STT3B: variants seen among roughly 807,000 people sequenced by gnomAD.
STT3B encodes the protein STT3 oligosaccharyltransferase complex catalytic subunit B, also known as dolichyl-diphosphooligosaccharide--protein glycosyltransferase subunit STT3B.
In STT3B, 29 loss-of-function variants were observed where a neutral mutation model predicts 96.8. The observed-to-expected ratio is 0.30, with a 90% CI of 0.22 to 0.41. The LOEUF is 0.41. STT3B is among the 10% of genes least tolerant of loss of function. The pLI, the probability that STT3B is intolerant of heterozygous loss-of-function variation, is 1.00. For missense variants in STT3B, 640 were observed against 1,022.3 expected (o/e 0.63, Z 5.10); for synonymous variants, 367 against 360.0 (o/e 1.02, Z -0.22).
chr3:31,617,120 A>C (rs369832273), intron 7 of STT3B, 45 bp downstream of exon 7: 11 of 1,374,548 alleles, frequency 8.0e-6, no homozygotes, highest in Admixed American at 5.0e-5. Flanking sequence ...CTATACAAAC[A>C]ATATAAGAAA....
At chr3:31,578,121 T>C (rs1698299902) in intron 2 of STT3B, among the ~76,000 whole-genome samples, 1 of 152,176 alleles carries the variant, frequency 6.6e-6, no homozygotes, top group Admixed American at 6.6e-5. Context: ...CATATTCTCC[T>C]TTAGGACTTT....
chr3:31,635,801 G>GT (rs1450744899), intron 15 of STT3B, among the ~76,000 whole-genome samples, 183 bp from the exon 16 acceptor site: 1 of 152,136 alleles, frequency 6.6e-6, no homozygotes, highest in Non-Finnish European at 1.5e-5. Context: ...ATGTGTTAGT[G>GT]TACTCAGGTA....
chr3:31,621,805 TATG>T (rs1559390092), intron 9 of STT3B, among the ~76,000 whole-genome samples: 2 of 152,236 alleles, frequency 1.3e-5, no homozygotes, highest in African/African-American at 2.4e-5. Context: ...ATGGGTTTTT[TATG>T]ATGTTATTGA....
intron 1 of STT3B, among the ~76,000 whole-genome samples, chr3:31,540,255 T>A (rs527521923): frequency 2.0e-5 from 3 of 152,276 alleles, no homozygotes; most frequent in East Asian, 3.9e-4. Flanking sequence ...TTTAAAAAAA[T>A]TGTGTGTACT....
In STT3B at chr3:31,569,032, C is replaced by T. The variant is rs192933480; in HGVS notation, c.315-7364C>T. Among the ~76,000 whole-genome samples, 5 of 152,134 alleles carry T rather than the reference C, an allele frequency of 3.3e-5. No homozygotes were observed. In the East Asian group the frequency reaches 5.8e-4, roughly 18 times the overall value. ...TCTTTCTTTTTGTTTCTTTTAAAGA[C>T]GGGATCTTGCTCTGTAACCCAGGCT... On this transcript the variant is annotated intron_variant, in intron 1 of 15. Transcript: ENST00000295770.
intron 7 of STT3B, 111 bp downstream of exon 7, chr3:31,617,186 CTT>C (rs5847707): frequency 3.9e-3 from 1,912 of 492,546 alleles, no homozygotes; most frequent in East Asian, 0.027. Context: ...TGATTTTTTT[CTT>C]TTTTTTTTTT....
At chr3:31,621,275 A>G (rs1689209473) in intron 9 of STT3B, among the ~76,000 whole-genome samples, 2 of 152,230 alleles carry the variant, frequency 1.3e-5, no homozygotes, top group East Asian at 3.8e-4. Flanking sequence ...AGAAGTCTAA[A>G]TAGTGGTTAC....
chr3:31,620,817 G>C (rs532163040), intron 9 of STT3B, among the ~76,000 whole-genome samples: 3 of 152,284 alleles, frequency 2.0e-5, no homozygotes, highest in East Asian at 3.9e-4. Context: ...ACAATTATAG[G>C]ATCTGGACCA....
chr3:31,626,573 A>G (rs1206392977), intron 13 of STT3B, among the ~76,000 whole-genome samples: 1 of 152,212 alleles, frequency 6.6e-6, no homozygotes, highest in Admixed American at 6.5e-5. Context: ...GATTAAGGGA[A>G]AGGGTCTTAA....
chr3:31,613,641 T>A (rs1286583102), intron 5 of STT3B, among the ~76,000 whole-genome samples: 1 of 141,176 alleles, frequency 7.1e-6, no homozygotes, highest in African/African-American at 2.6e-5. Flanking sequence ...GTTTTTAATT[T>A]TCTTTATACT....
intron 15 of STT3B, 62 bp downstream of exon 15, chr3:31,633,209 A>G: frequency 1.4e-6 from 2 of 1,410,862 alleles, no homozygotes; most frequent in Non-Finnish European, 1.9e-6. Flanking sequence ...ATGAAAAAGA[A>G]TTTCTGGAAA....
chr3:31,533,332 T>A lies in STT3B; in HGVS notation c.314+20T>A. ...CCCGTGGTAAGTGCCTCGCCGCCCC[T>A]CCCCCGCCCGTGGCCCGCGGGGAAC... On this transcript the variant is annotated intron_variant, in intron 1 of 15. Coordinates refer to ENST00000295770, the MANE Select transcript of STT3B (RefSeq NM_178862.3). The A allele has an allele frequency of 6.7e-7, 1 of 1,489,320 alleles. No homozygotes were observed. Among genetic ancestry groups the A allele is most frequent in the East Asian group, 3.0e-5 (1 of 33,718 alleles). The allele number at this position is 1,489,320 out of a possible 1,614,324, so 92.3% of individuals were successfully genotyped here. A position where few individuals can be genotyped will look rare whatever the true frequency, so the allele number is the denominator to read the frequency against.
chr3:31,622,055 CT>C, intron 9 of STT3B, 41 bp from the exon 10 acceptor site: 6 of 1,556,118 alleles, frequency 3.9e-6, no homozygotes, highest in Non-Finnish European at 5.3e-6. Context: ...TTCCTGGGAA[CT>C]TTTTCCCTCC....
intron 2 of STT3B, among the ~76,000 whole-genome samples, chr3:31,579,477 T>TAAAAA (rs1173591549): frequency 0.028 from 1,877 of 67,444 alleles, 138 homozygotes; most frequent in East Asian, 0.039. Context: ...CCTGTTTTGA[T>TAAAAA]AAAAAAAAAA....
chr3:31,570,655 C>CT (rs546383858), intron 1 of STT3B, among the ~76,000 whole-genome samples: 65 of 152,122 alleles, frequency 4.3e-4, no homozygotes, highest in African/African-American at 1.5e-3. Context: ...ATCCAAGTAC[C>CT]TTTTTTTAAA....
chr3:31,629,929 ATG>A (rs1699619685), intron 14 of STT3B, among the ~76,000 whole-genome samples: 1 of 152,250 alleles, frequency 6.6e-6, no homozygotes, highest in Non-Finnish European at 1.5e-5. Context: ...AAATGAGTGA[ATG>A]TGCAAAGAGG....
intron 1 of STT3B, chr3:31,533,688 T>C (rs796803079): frequency 6.3e-5 from 10 of 159,458 alleles, no homozygotes; most frequent in African/African-American, 2.4e-4. Context: ...AGGCGGCAGG[T>C]AGCTCCTCCG....
At chr3:31,538,458 T>A (rs1319009647) in intron 1 of STT3B, among the ~76,000 whole-genome samples, 1 of 152,188 alleles carries the variant, frequency 6.6e-6, no homozygotes, top group East Asian at 1.9e-4. Flanking sequence ...TTGCTGAATC[T>A]GGTGTCTCAG....
Position 31,538,129 on chromosome 3 carries a change from A to T in STT3B, c.314+4817A>T, listed in dbSNP as rs75992366. On this transcript the variant is annotated intron_variant, in intron 1 of 15. Coordinates refer to ENST00000295770, the MANE Select transcript of STT3B (RefSeq NM_178862.3). ...TTATAGTGAACACTCATATACTCTA[A>T]CCACCTAGATTCTACAATTAATATT... Among the ~76,000 whole-genome samples the T allele has an allele frequency of 3.8e-3, 572 of 152,182 alleles. 8 individuals are homozygous for T. The highest frequency in any genetic ancestry group is 0.013 in the African/African-American group (532 of 41,544).
Sources: gnomAD v4.1 joint callset for allele counts (sites outside exome capture counted in the v4.1 genomes callset) on GRCh38, gnomAD v4.1.1 for gene constraint, MANE v1.5 for transcripts, NCBI Gene and HGNC (gene_info 2026-07-23, HGNC 2026-07-21) for gene names.